Variants in C2orf78 observed in about 807,000 individuals in gnomAD.
C2orf78 encodes the protein chromosome 2 open reading frame 78.
C2orf78 carries 12 observed loss-of-function variants against 21.4 expected under a neutral mutation model. That is an observed-to-expected ratio of 0.56 (90% CI 0.36 to 0.91). The LOEUF is 0.91. Ranked by LOEUF, C2orf78 falls within the 40% of genes least tolerant of loss-of-function variation. The pLI is 0.01. For missense variants in C2orf78, 1,042 were observed against 1,092.4 expected (o/e 0.95, Z 0.65); for synonymous variants, 396 against 413.9 (o/e 0.96, Z 0.52).
At chr2:73,815,315 G>A in exon 3 of C2orf78, 1 of 1,613,924 alleles carries the variant, frequency 6.2e-7, no homozygotes, top group Non-Finnish European at 8.5e-7. Context: ...ATTTGGATGA[G>A]ATTAAAACCA....
At chr2:73,812,779 A>T (rs753882230) in intron 1 of C2orf78, among the ~76,000 whole-genome samples, 3 of 152,192 alleles carry the variant, frequency 2.0e-5, no homozygotes, top group Non-Finnish European at 2.9e-5. Flanking sequence ...TTGACTAATG[A>T]TAAAAAGCCA....
chr2:73,808,430 A>T (rs1215932073), intron 1 of C2orf78, among the ~76,000 whole-genome samples: 1 of 151,170 alleles, frequency 6.6e-6, no homozygotes, highest in East Asian at 1.9e-4. Context: ...GAAATGTAAC[A>T]CATTAAATAT....
At chr2:73,786,025 A>T (rs947082497) in intron 1 of C2orf78, among the ~76,000 whole-genome samples, 3 of 151,802 alleles carry the variant, frequency 2.0e-5, no homozygotes, top group Admixed American at 2.0e-4. Context: ...CAGCCTGGGC[A>T]ATAAGAGGGA....
At chr2:73,814,257 T>G in intron 2 of C2orf78, 31 bp downstream of exon 2, 1 of 1,525,536 alleles carries the variant, frequency 6.6e-7, no homozygotes, top group Non-Finnish European at 8.8e-7. Context: ...AGGAGAGGAA[T>G]AATGTCAGCG....
exon 2 of C2orf78, chr2:73,813,911 T>C: frequency 6.2e-7 from 1 of 1,614,046 alleles, no homozygotes; most frequent in Non-Finnish European, 8.5e-7. Flanking sequence ...GGTCCCTCTG[T>C]ATCCATCACT....
rs547907566 is a variant in C2orf78 at position 73,808,036 on chromosome 2, A to T, written c.98-5441A>T. Among the ~76,000 whole-genome samples, 250 of 151,222 alleles carry T rather than the reference A, an allele frequency of 1.7e-3. 7 individuals carry two copies. Among genetic ancestry groups the T allele is most frequent in the Middle Eastern group, 0.014 (4 of 294 alleles). On this transcript the variant is annotated intron_variant, in intron 1 of 2. Transcript: ENST00000409561. ...TTTGGGAGGCTGAGGCGAGCAGATCACAAGGTCAGGTGATCGAACCATCCT... is the reference window on the plus strand; with the variant it reads ...TTTGGGAGGCTGAGGCGAGCAGATCTCAAGGTCAGGTGATCGAACCATCCT...
At chr2:73,808,064 CTAA>C (rs1672994238) in intron 1 of C2orf78, among the ~76,000 whole-genome samples, 4 of 151,210 alleles carry the variant, frequency 2.6e-5, no homozygotes, top group Admixed American at 2.0e-4. Context: ...ACCATCCTGG[CTAA>C]CAGGGTGAAA....
exon 3 of C2orf78, chr2:73,815,790 C>T (rs781148066): frequency 4.3e-6 from 7 of 1,613,634 alleles, no homozygotes; most frequent in Non-Finnish European, 5.9e-6. Context: ...GCCAAAGAAC[C>T]CAGAGTGCCT....
exon 3 of C2orf78, chr2:73,816,604 C>T: frequency 1.2e-6 from 2 of 1,612,954 alleles, no homozygotes; most frequent in Non-Finnish European, 8.5e-7. Flanking sequence ...GCAACCCAAC[C>T]CAGTTCAGCC....
At chr2:73,813,050 T>C (rs1468034882) in intron 1 of C2orf78, among the ~76,000 whole-genome samples, 1 of 152,142 alleles carries the variant, frequency 6.6e-6, no homozygotes, top group Admixed American at 6.5e-5. Context: ...AACATAATGG[T>C]AAAACTTAAA....
chr2:73,809,545 G>A (rs1673028696), intron 1 of C2orf78, among the ~76,000 whole-genome samples: 1 of 151,976 alleles, frequency 6.6e-6, no homozygotes, highest in Non-Finnish European at 1.5e-5. Context: ...AATGCTTTGG[G>A]AGCCTGAGGT....
chr2:73,815,401 C>G (rs758746024), exon 3 of C2orf78: 2 of 1,613,920 alleles, frequency 1.2e-6, no homozygotes, highest in Admixed American at 3.3e-5. Context: ...GTAGAAATCC[C>G]CGATATTCAC....
At chr2:73,811,970 A>G (rs917134674) in intron 1 of C2orf78, among the ~76,000 whole-genome samples, 1 of 152,150 alleles carries the variant, frequency 6.6e-6, no homozygotes, top group Non-Finnish European at 1.5e-5. Flanking sequence ...GTTTTTATTG[A>G]AATATCTATC....
chr2:73,808,229 G>A (rs981568170), intron 1 of C2orf78, among the ~76,000 whole-genome samples: 2 of 150,936 alleles, frequency 1.3e-5, no homozygotes, highest in African/African-American at 5.0e-5. Flanking sequence ...ACTCCAGCCT[G>A]GGTGACAGAG....
rs370664233 is a variant in C2orf78 at position 73,814,141 on chromosome 2, G to C, written c.762G>C (p.Gln254His). 9 of 1,611,608 alleles carry C rather than the reference G, an allele frequency of 5.6e-6. No homozygotes were observed. In the Admixed American group the frequency reaches 1.5e-4, roughly 27 times the overall value. ...TGGTGATGGTGCTGAAGGAGGTTCA[G>C]CCCACAAATGTCCTACCACCAGTCT... The change falls in exon 2 of 3, where the codon CAG becomes CAC. Residue 254 changes from glutamine (Q) to histidine (H), a missense_variant. Gln to His is a conservative substitution (Grantham distance 24). Transcript: ENST00000409561.
intron 1 of C2orf78, among the ~76,000 whole-genome samples, chr2:73,810,613 T>G (rs1673063629): frequency 7.2e-6 from 1 of 138,042 alleles, no homozygotes; most frequent in African/African-American, 2.7e-5. Flanking sequence ...ATATATATTT[T>G]ATATATATAC....
At chr2:73,815,125 A>G in exon 3 of C2orf78, 1 of 1,614,018 alleles carries the variant, frequency 6.2e-7, no homozygotes, top group Admixed American at 1.7e-5. Flanking sequence ...TCTCCAAGCC[A>G]GACATTTTGT....
exon 1 of C2orf78, chr2:73,784,214 G>C: frequency 2.0e-6 from 3 of 1,513,254 alleles, no homozygotes; most frequent in Non-Finnish European, 2.6e-6. Flanking sequence ...CCACCTGGTA[G>C]CATCTTGGGG....
exon 2 of C2orf78, chr2:73,813,585 G>C: frequency 6.2e-7 from 1 of 1,613,998 alleles, no homozygotes. Flanking sequence ...AACTTCTCCA[G>C]AGCCTCTGCT....
Sources: gnomAD v4.1 joint callset for allele counts (sites outside exome capture counted in the v4.1 genomes callset) on GRCh38, gnomAD v4.1.1 for gene constraint, MANE v1.5 for transcripts, NCBI Gene and HGNC (gene_info 2026-07-23, HGNC 2026-07-21) for gene names.